The following ARFGEF3 variants were observed in gnomAD, a reference collection of about 807,000 sequenced individuals.
The protein encoded by ARFGEF3 is brefeldin A-inhibited guanine nucleotide-exchange protein 3.
Under a neutral mutation model 221.7 loss-of-function variants are expected in ARFGEF3, and 96 were observed. That is an observed-to-expected ratio of 0.43 (90% CI 0.37 to 0.51). ARFGEF3 has a LOEUF of 0.51. ARFGEF3 is among the 20% of genes least tolerant of loss of function. The pLI, the probability that ARFGEF3 is intolerant of heterozygous loss-of-function variation, is 0.00. For synonymous variants in ARFGEF3, 1,145 were observed against 1,126.8 expected (o/e 1.02, Z -0.32); for missense variants, 2,410 against 2,789.9 (o/e 0.86, Z 3.07).
At position 138,340,272 on chromosome 6, in the gene ARFGEF3, T is replaced by C. The variant is rs1780405995; in HGVS notation, c.*3786T>C. 1 of 152,218 alleles carries C rather than the reference T, an allele frequency of 6.6e-6. No individual in the cohort carries two copies. 9.4% of individuals were successfully genotyped at this position (152,218 alleles called of 1,614,324 possible). A position where few individuals can be genotyped will look rare whatever the true frequency, so the allele number is the denominator to read the frequency against. On this transcript the variant is annotated 3_prime_UTR_variant, in exon 34 of 34. Coordinates refer to ENST00000251691, the MANE Select transcript of ARFGEF3 (RefSeq NM_020340.5). ...ATCAAACATGACAAAAATGTTAATA[T>C]AATTCAGAAGTACCTTGAAATTGAA...
chr6:138,204,339 C>CAAAA (rs11336345), intron 2 of ARFGEF3, among the ~76,000 whole-genome samples: 7 of 60,424 alleles, frequency 1.2e-4, no homozygotes, highest in East Asian at 5.2e-4. Context: ...ACTCCATCTC[C>CAAAA]AAAAAAAAAA....
At position 138,344,472 on chromosome 6, in the gene ARFGEF3, A is replaced by ACAGGTCTC. The variant is rs1780481379; in HGVS notation, c.*7987_*7994dup. 1 of 152,194 alleles carries ACAGGTCTC rather than the reference A, an allele frequency of 6.6e-6. No homozygotes were observed. The highest frequency in any genetic ancestry group is 1.5e-5 in the Non-Finnish European group (1 of 68,036). 9.4% of individuals were successfully genotyped at this position (152,194 alleles called of 1,614,324 possible). ...ATAGAATCTGTCTGTTCTTTGTTTA[A>ACAGGTCTC]CAGGTCTCTGTAAGCAAGCTTGCAA... On this transcript the variant is annotated 3_prime_UTR_variant, in exon 34 of 34. Transcript: ENST00000251691.
intron 2 of ARFGEF3, among the ~76,000 whole-genome samples, chr6:138,188,240 TATGTGCTCTTTGTGGTCTCTGGTAG>T (rs1777228213): frequency 6.6e-6 from 1 of 152,164 alleles, no homozygotes; most frequent in African/African-American, 2.4e-5. Flanking sequence ...GACAGTGCTG[TATGTGCTCTTTGTGGTCTCTGGTAG>T]ATATGAATGG....
rs1779614235 is a variant in ARFGEF3 at position 138,300,713 on chromosome 6, T to A, written c.3828+1928T>A. 1.3e-5 allele frequency among the ~76,000 whole-genome samples: 2 copies of A among 152,174 alleles called. 1 individual carries two copies. The highest frequency in any genetic ancestry group is 3.9e-4 in the East Asian group (2 of 5,192). On this transcript the variant is annotated intron_variant, in intron 22 of 33. Coordinates refer to ENST00000251691, the MANE Select transcript of ARFGEF3 (RefSeq NM_020340.5). ...TAAAAGACGGGGAAGCTCAGCAAAATTGCAGTCTGGGACCTCCCAAGTCTG... is the reference window on the plus strand; with the variant it reads ...TAAAAGACGGGGAAGCTCAGCAAAAATGCAGTCTGGGACCTCCCAAGTCTG...
intron 2 of ARFGEF3, among the ~76,000 whole-genome samples, chr6:138,185,405 A>G (rs1777163011): frequency 6.6e-6 from 1 of 152,014 alleles, no homozygotes. Context: ...AGCTGAACGC[A>G]CCCTAACTGA....
chr6:138,192,298 G>A (rs1024052375), intron 2 of ARFGEF3, among the ~76,000 whole-genome samples: 1 of 152,110 alleles, frequency 6.6e-6, no homozygotes, highest in African/African-American at 2.4e-5. Flanking sequence ...AGACCAGCCT[G>A]GCTAACATGA....
At chr6:138,180,200 T>A (rs889553687) in intron 2 of ARFGEF3, among the ~76,000 whole-genome samples, 1 of 152,214 alleles carries the variant, frequency 6.6e-6, no homozygotes, top group Non-Finnish European at 1.5e-5. Flanking sequence ...GGACAGCAAA[T>A]ACCCCAATAG....
At chr6:138,278,678 C>T in intron 13 of ARFGEF3, 61 bp downstream of exon 13, 23 of 1,570,624 alleles carry the variant, frequency 1.5e-5, no homozygotes, top group Non-Finnish European at 2.0e-5. Context: ...TGGTGTACAG[C>T]CTAGCCTCAG....
At chr6:138,206,111 C>T (rs1167519563) in intron 2 of ARFGEF3, among the ~76,000 whole-genome samples, 1 of 152,202 alleles carries the variant, frequency 6.6e-6, no homozygotes, top group Non-Finnish European at 1.5e-5. Flanking sequence ...TGGGCCTACT[C>T]TGGTTTAAGT....
intron 4 of ARFGEF3, chr6:138,215,887 T>TGTGAGA (rs1554250990): frequency 1.5e-5 from 1 of 68,578 alleles, no homozygotes; most frequent in African/African-American, 5.5e-5. Context: ...TGTGTGTGTG[T>TGTGAGA]GAAAGAGAGA....
chr6:138,256,117 AT>A (rs1778675258), intron 10 of ARFGEF3, among the ~76,000 whole-genome samples: 2 of 152,140 alleles, frequency 1.3e-5, no homozygotes, highest in Admixed American at 1.3e-4. Context: ...CTTTGCCAAC[AT>A]TAGATTTCAA....
Position 138,286,827 on chromosome 6 carries a change from G to C in ARFGEF3, c.2696G>C (p.Gly899Ala). Residue 899 changes from glycine to alanine, a missense_variant, in exon 16 of 34, where the codon GGC (glycine) becomes GCC (alanine). This residue lies in a region of ARFGEF3 where 594 missense variants were observed against 734.3 expected (regional missense o/e 0.81). Coordinates refer to ENST00000251691, the MANE Select transcript of ARFGEF3 (RefSeq NM_020340.5). Reference sequence around the variant, plus strand: ...CTGGCCTTCATTCTGGGAGCTGAAGGCATCAAAGAGCAGAACCAGAAGGAG... The same window carrying C: ...CTGGCCTTCATTCTGGGAGCTGAAGCCATCAAAGAGCAGAACCAGAAGGAG... ...KGLAFILGAE[G>A]IKEQNQKERD... is the part of the protein sequence containing the mutation. 1.2e-6 allele frequency: 2 copies of C among 1,614,016 alleles called. No individual in the cohort carries two copies. Among genetic ancestry groups the C allele is most frequent in the Non-Finnish European group, 1.7e-6 (2 of 1,179,904 alleles).
At chr6:138,217,244 T>G (rs1777885584) in intron 4 of ARFGEF3, 1 of 152,230 alleles carries the variant, frequency 6.6e-6, no homozygotes, top group Non-Finnish European at 1.5e-5. Flanking sequence ...TAATCTTAAT[T>G]TAAGCGCATA....
chr6:138,255,337 G>T, intron 9 of ARFGEF3, 99 bp from the exon 10 acceptor site: 1 of 821,004 alleles, frequency 1.2e-6, no homozygotes, highest in Non-Finnish European at 1.9e-6. Context: ...GAAGTAAAGA[G>T]CCGCACTCTT....
At chr6:138,306,042 A>G (rs780628877) in intron 22 of ARFGEF3, among the ~76,000 whole-genome samples, 4 of 152,184 alleles carry the variant, frequency 2.6e-5, no homozygotes, top group Non-Finnish European at 5.9e-5. Flanking sequence ...CGAAAAGTAA[A>G]GCTGTTTTAG....
At chr6:138,313,572 T>TC (rs1465776120) in intron 25 of ARFGEF3, among the ~76,000 whole-genome samples, 15 of 152,352 alleles carry the variant, frequency 9.8e-5, no homozygotes, top group Admixed American at 5.2e-4. Context: ...GGATCCTTTT[T>TC]CCCTCTACTT....
Position 138,292,520 on chromosome 6 carries a change from C to T in ARFGEF3, c.3368+467C>T, listed in dbSNP as rs867289092. 5.3e-5 allele frequency among the ~76,000 whole-genome samples: 8 copies of T among 152,254 alleles called. No homozygotes were observed. In the South Asian group the frequency reaches 1.5e-3, roughly 28 times the overall value. ...TACTTATTGATGCCCAACAACCATG[C>T]GAGGGTGAAGAGGGAAAATCACCAA... On this transcript the variant is annotated intron_variant, in intron 19 of 33. Coordinates refer to ENST00000251691, the MANE Select transcript of ARFGEF3 (RefSeq NM_020340.5).
chr6:138,231,217 G>A (rs1390552815), intron 5 of ARFGEF3, among the ~76,000 whole-genome samples: 1 of 152,196 alleles, frequency 6.6e-6, no homozygotes, highest in Admixed American at 6.5e-5. Context: ...GGTGTTCACT[G>A]AGAGTATCTG....
At chr6:138,206,740 C>T (rs1201089862) in intron 2 of ARFGEF3, among the ~76,000 whole-genome samples, 1 of 152,180 alleles carries the variant, frequency 6.6e-6, no homozygotes, top group Non-Finnish European at 1.5e-5. Context: ...AAGAACAAAG[C>T]ATGTTCACAG....
Sources: allele counts gnomAD v4.1 joint callset (sites outside exome capture counted in the v4.1 genomes callset), GRCh38; gene constraint gnomAD v4.1.1; regional missense constraint gnomAD v4.1.1; transcripts MANE v1.5; gene names NCBI Gene and HGNC (gene_info 2026-07-23, HGNC 2026-07-21).